The following ATP13A3 variants were observed in gnomAD, a reference collection of about 807,000 sequenced individuals.
The protein encoded by ATP13A3 is polyamine-transporting ATPase 13A3.
Under a neutral mutation model 158.1 loss-of-function variants are expected in ATP13A3, and 59 were observed. That is an observed-to-expected ratio of 0.37 (90% confidence interval 0.30 to 0.46). The LOEUF (loss-of-function observed/expected upper bound fraction) is 0.46, where lower values mean the gene tolerates loss of function less well. Ranked by LOEUF, ATP13A3 falls within the 20% of genes least tolerant of loss-of-function variation. The pLI is 1.00. For synonymous variants in ATP13A3, 491 were observed against 504.3 expected (o/e 0.97, Z 0.35); for missense variants, 1,166 against 1,525.2 (o/e 0.76, Z 3.92).
At chr3:194,443,181 A>G (rs1418016305) in intron 15 of ATP13A3, among the ~76,000 whole-genome samples, 1 of 152,208 alleles carries the variant, frequency 6.6e-6, no homozygotes, top group African/African-American at 2.4e-5. Context: ...CAAAATAATA[A>G]TCAGAAAATA....
intron 33 of ATP13A3, among the ~76,000 whole-genome samples, chr3:194,410,024 C>G (rs947265213): frequency 1.3e-5 from 2 of 151,702 alleles, no homozygotes; most frequent in African/African-American, 4.8e-5. Context: ...ACCACAGAAA[C>G]GGAAGACTTA....
Position 194,418,223 on chromosome 3 carries a change from A to G in ATP13A3, c.3402+1656T>C, listed in dbSNP as rs556300809. ...ATTAATTCCAGATGGATTAAAGACTAAATGTGAGAGTATCTTTATAACTTT... is the reference window on the plus strand; with the variant it reads ...ATTAATTCCAGATGGATTAAAGACTGAATGTGAGAGTATCTTTATAACTTT... On this transcript the variant is annotated intron_variant, in intron 31 of 33. Coordinates refer to ENST00000645319, the MANE Select transcript of ATP13A3 (RefSeq NM_001367549.1). 2.6e-5 allele frequency among the ~76,000 whole-genome samples: 4 copies of G among 152,326 alleles called. No homozygotes were observed. The East Asian group carries it at 7.7e-4, about 29-fold the overall frequency.
At chr3:194,476,430 C>G (rs1019741636) in intron 2 of ATP13A3, among the ~76,000 whole-genome samples, 3 of 152,202 alleles carry the variant, frequency 2.0e-5, no homozygotes, top group Non-Finnish European at 2.9e-5. Context: ...TCTGCCCCAC[C>G]ACCCAGCCAC....
chr3:194,437,214 A>T lies in ATP13A3; in HGVS notation c.2001T>A (p.Val667=), dbSNP rs374018804. Residue 667 remains valine, a splice_region_variant and synonymous_variant, in exon 20 of 34, where the codon GTT becomes GTA. Transcript: ENST00000645319. ...AIAGLCKPET[V]PVDFQNVLED... ...CCAAAACGTTTTGAAAATCGACAGG[A>T]ACTTTTTAAAAGAAAGAGTAAATTT... The T allele has an allele frequency of 6.2e-7, 1 of 1,613,904 alleles. No individual in the cohort carries two copies. The highest frequency in any genetic ancestry group is 1.3e-5 in the African/African-American group (1 of 74,904).
intron 1 of ATP13A3, among the ~76,000 whole-genome samples, chr3:194,486,141 C>T: frequency 6.6e-6 from 1 of 152,164 alleles, no homozygotes; most frequent in East Asian, 1.9e-4. Context: ...GTCACTTTTC[C>T]TCCACGGGAC....
intron 14 of ATP13A3, among the ~76,000 whole-genome samples, 166 bp downstream of exon 14, chr3:194,446,761 T>C (rs1054315387): frequency 2.6e-5 from 4 of 152,174 alleles, no homozygotes; most frequent in African/African-American, 9.7e-5. Context: ...TGAGAACTTA[T>C]GGTATAGAAA....
intron 20 of ATP13A3, among the ~76,000 whole-genome samples, chr3:194,436,260 T>C (rs939438933): frequency 1.3e-5 from 2 of 152,164 alleles, no homozygotes; most frequent in East Asian, 1.9e-4. Flanking sequence ...ACAAAAATGC[T>C]ATCCTCCAAG....
chr3:194,460,125 G>T (rs1396403742), intron 4 of ATP13A3, among the ~76,000 whole-genome samples, 154 bp from the exon 5 acceptor site: 1 of 152,086 alleles, frequency 6.6e-6, no homozygotes, highest in Non-Finnish European at 1.5e-5. Context: ...ATTTCATGAG[G>T]ATGCTTAAAT....
intron 6 of ATP13A3, 101 bp from the exon 7 acceptor site, chr3:194,457,275 C>T: frequency 1.3e-6 from 1 of 751,944 alleles, no homozygotes; most frequent in Non-Finnish European, 2.2e-6. Flanking sequence ...GGTGTGACTT[C>T]CTTACAAATC....
chr3:194,429,873 C>T (rs375397528), intron 26 of ATP13A3, 99 bp from the exon 27 acceptor site: 32 of 1,144,846 alleles, frequency 2.8e-5, no homozygotes, highest in African/African-American at 1.7e-4. Context: ...CAACATTCAA[C>T]GGCTACAACA....
chr3:194,421,944 C>CA lies in ATP13A3; in HGVS notation c.3314-1978dup, dbSNP rs397972334. On this transcript the variant is annotated intron_variant, in intron 30 of 33. Coordinates refer to ENST00000645319, the MANE Select transcript of ATP13A3 (RefSeq NM_001367549.1). The stretch of plus-strand genomic sequence containing the variant: ...TGGTTCTTGACATGTGTGTCGTTGG[C>CA]AAAAAAAAAAAAAAAAAATTTACTC... Among the ~76,000 whole-genome samples the CA allele has an allele frequency of 4.2e-3, 405 of 97,412 alleles. 9 individuals carry two copies. Among genetic ancestry groups the CA allele is most frequent in the East Asian group, 0.014 (52 of 3,756 alleles). The allele number at this position is 97,412 out of a possible 152,430, so 63.9% of individuals were successfully genotyped here.
At chr3:194,489,574 G>T (rs1404935852), upstream of ATP13A3, among the ~76,000 whole-genome samples, 1 of 152,122 alleles carries the variant, frequency 6.6e-6, no homozygotes, top group Non-Finnish European at 1.5e-5. The surrounding 1 kb of genome is among the most constrained non-coding windows in gnomAD (Gnocchi z 4.1). Flanking sequence ...CTAGGCTTCT[G>T]GCTGCAGTGT....
intron 18 of ATP13A3, 30 bp downstream of exon 18, chr3:194,437,520 AATATAC>A: frequency 6.2e-7 from 1 of 1,612,740 alleles, no homozygotes; most frequent in South Asian, 1.1e-5. Context: ...AATCAAAACA[AATATAC>A]TTAGTAAGAA....
At chr3:194,493,571 C>T (rs139054523) in intron 2 of ATP13A3, among the ~76,000 whole-genome samples, 2,010 of 152,086 alleles carry the variant, frequency 0.013, 24 homozygotes, top group Non-Finnish European at 0.021. Context: ...CGCATGAACC[C>T]GGAGGTGGAG....
At chr3:194,469,466 GA>G (rs1004024654) in intron 2 of ATP13A3, among the ~76,000 whole-genome samples, 6 of 149,922 alleles carry the variant, frequency 4.0e-5, no homozygotes, top group African/African-American at 7.4e-5. Flanking sequence ...TCTCAAAAAA[GA>G]AAAAAAAACT....
At chr3:194,417,660 C>G (rs1317521206) in intron 31 of ATP13A3, among the ~76,000 whole-genome samples, 1 of 152,018 alleles carries the variant, frequency 6.6e-6, no homozygotes, top group East Asian at 1.9e-4. Context: ...AAACTGTGGC[C>G]AGGCGCCATG....
chr3:194,420,882 C>T (rs1716240077), intron 30 of ATP13A3, among the ~76,000 whole-genome samples: 1 of 151,478 alleles, frequency 6.6e-6, no homozygotes, highest in Non-Finnish European at 1.5e-5. Flanking sequence ...ACTTCAAACT[C>T]AAACTTTACT....
chr3:194,407,853 A>G (rs1329956281), intron 33 of ATP13A3, among the ~76,000 whole-genome samples: 1 of 152,184 alleles, frequency 6.6e-6, no homozygotes, highest in Non-Finnish European at 1.5e-5. Flanking sequence ...TCTTCAAGTG[A>G]TCCAAAATAA....
chr3:194,431,156 T>C lies in ATP13A3; in HGVS notation c.2492A>G (p.Asn831Ser). 2 of 1,613,856 alleles carry C rather than the reference T, an allele frequency of 1.2e-6. No individual in the cohort carries two copies. The highest frequency in any genetic ancestry group is 2.2e-5 in the South Asian group (2 of 91,070). The change falls in exon 23 of 34, where the codon AAT becomes AGT. Residue 831 changes from asparagine to serine, a missense_variant. Physicochemically the swap from Asn to Ser is conservative, Grantham distance 46 (BLOSUM62 1). Around this residue, in one of 3 missense-constraint regions of ATP13A3, gnomAD observed 997 missense variants for 1,341.2 expected, o/e 0.74. Coordinates refer to ENST00000645319, the MANE Select transcript of ATP13A3 (RefSeq NM_001367549.1). ...CAGTATCACTGAGAATGATTTTCCA[T>C]TCATTGCAAAATGATAACGAGTCAT... The part of the protein sequence containing the change: ...LQMTRYHFAM[N>S]GKSFSVILEH...
Sources: gnomAD v4.1 joint callset for allele counts (sites outside exome capture counted in the v4.1 genomes callset) on GRCh38, gnomAD v4.1.1 for gene constraint, gnomAD v4.1.1 regional missense constraint, Gnocchi (gnomAD v3.1) non-coding constraint, MANE v1.5 for transcripts, NCBI Gene and HGNC (gene_info 2026-07-23, HGNC 2026-07-21) for gene names.